The following INPP4B variants were observed in gnomAD, a reference collection of about 807,000 sequenced individuals.
The protein encoded by INPP4B is inositol polyphosphate 4-phosphatase type II.
In INPP4B, 55 loss-of-function variants were observed where a neutral mutation model predicts 122.5. The observed-to-expected ratio is 0.45, with a 90% CI of 0.36 to 0.56. The LOEUF (loss-of-function observed/expected upper bound fraction) is 0.56. INPP4B is among the 20% of genes least tolerant of loss of function. The pLI is 0.00. For missense variants in INPP4B, 1,000 were observed against 1,097.7 expected, an observed-to-expected ratio of 0.91 and a Z score of 1.26; for synonymous variants, 403 against 388.7, an observed-to-expected ratio of 1.04 and a Z score of -0.43.
intron 1 of INPP4B, among the ~76,000 whole-genome samples, chr4:142,815,736 C>T (rs542953618): frequency 6.6e-6 from 1 of 152,166 alleles, no homozygotes; most frequent in African/African-American, 2.4e-5. Flanking sequence ...TTGCCTCATT[C>T]TCTGTTTATT....
chr4:142,374,061 A>G (rs1352024395), intron 7 of INPP4B, among the ~76,000 whole-genome samples: 2 of 151,972 alleles, frequency 1.3e-5, no homozygotes, highest in Non-Finnish European at 2.9e-5. Context: ...AACATGCAGA[A>G]AGATTGTTTT....
chr4:142,813,982 AAGAAAAAGTTAT>A (rs1779821934), intron 1 of INPP4B, among the ~76,000 whole-genome samples: 4 of 152,188 alleles, frequency 2.6e-5, no homozygotes, highest in Admixed American at 2.0e-4. Context: ...CCCCAAGAGG[AAGAAAAAGTTAT>A]AGAAAAGAGC....
At chr4:142,238,856 T>C (rs1158835135) in intron 11 of INPP4B, among the ~76,000 whole-genome samples, 4 of 152,118 alleles carry the variant, frequency 2.6e-5, no homozygotes, top group Non-Finnish European at 4.4e-5. Flanking sequence ...TCATTTCCAT[T>C]GCTCTTCAGC....
At chr4:142,292,554 C>G (rs1468648817) in intron 9 of INPP4B, among the ~76,000 whole-genome samples, 1 of 152,162 alleles carries the variant, frequency 6.6e-6, no homozygotes, top group Admixed American at 6.5e-5. Context: ...TACACCATTT[C>G]TAAGTTTAGG....
Position 142,028,815 on chromosome 4 carries a change from A to AG in INPP4B, c.2741dup (p.Pro915SerfsTer9). On this transcript the variant is annotated frameshift_variant, in exon 26 of 26. Coordinates refer to ENST00000262992, the MANE Select transcript of INPP4B (RefSeq NM_001101669.3). LOFTEE classifies it high-confidence loss of function. The stretch of plus-strand genomic sequence containing the variant: ...CAGCTTTTCCATAAGTCCCCTCTGG[A>AG]GGTCTGTAGTACTTGGGGAAAGCCA... 2 of 1,612,826 alleles carry AG rather than the reference A, an allele frequency of 1.2e-6. No individual in the cohort carries two copies. The highest frequency in any genetic ancestry group is 1.1e-5 in the South Asian group (1 of 90,856).
intron 15 of INPP4B, among the ~76,000 whole-genome samples, chr4:142,190,426 C>G (rs956419944): frequency 6.6e-6 from 1 of 152,072 alleles, no homozygotes; most frequent in Non-Finnish European, 1.5e-5. Flanking sequence ...TGGCATGGTG[C>G]GATAACTCTG....
chr4:142,141,503 C>A (rs1396356244), intron 18 of INPP4B, among the ~76,000 whole-genome samples: 2 of 152,018 alleles, frequency 1.3e-5, no homozygotes, highest in African/African-American at 4.8e-5. Context: ...CATTAGGAAA[C>A]CACATAAATA....
chr4:142,445,403 G>A (rs1392778133), intron 3 of INPP4B, among the ~76,000 whole-genome samples: 1 of 152,046 alleles, frequency 6.6e-6, no homozygotes, highest in Non-Finnish European at 1.5e-5. Context: ...AGAACAAAAC[G>A]TCAAGAAAAC....
rs140301287 is a variant in INPP4B, at chr4:142,082,064, T to G, written c.2609A>C (p.Asp870Ala). ...ILRDEHQLHK[D>A]FFIRALDCMR... ...GCAATCCAGCGCTCGGATAAAGAAG[T>G]CCTTGTGTAACTGGTGCTCATCTCT... The change falls in exon 25 of 26, where the codon GAC (aspartate) becomes GCC (alanine). Residue 870 changes from aspartate to alanine, a missense_variant. Asp to Ala is a moderately radical substitution (Grantham distance 126, BLOSUM62 -2). Transcript: ENST00000262992. 33 of 1,478,550 alleles carry G rather than the reference T, an allele frequency of 2.2e-5. No homozygotes were observed. The Admixed American group carries it at 3.3e-4, about 15-fold the overall frequency. 91.6% of individuals were successfully genotyped at this position (1,478,550 alleles called of 1,614,324 possible).
intron 11 of INPP4B, among the ~76,000 whole-genome samples, chr4:142,255,269 A>G (rs1735151241): frequency 1.3e-5 from 2 of 152,196 alleles, no homozygotes; most frequent in African/African-American, 2.4e-5. Flanking sequence ...TGTAAAGACC[A>G]TCGAGACTAG....
At chr4:142,505,867 T>C (rs1456622170) in intron 2 of INPP4B, among the ~76,000 whole-genome samples, 3 of 152,210 alleles carry the variant, frequency 2.0e-5, no homozygotes, top group African/African-American at 7.2e-5. Context: ...AATTCTCCTA[T>C]ACCCAGATAT....
chr4:142,051,228 A>ATACT (rs1011660738), intron 25 of INPP4B, among the ~76,000 whole-genome samples: 4 of 152,070 alleles, frequency 2.6e-5, no homozygotes, highest in African/African-American at 9.7e-5. Flanking sequence ...AACACATTGA[A>ATACT]TACTTTCATT....
intron 8 of INPP4B, among the ~76,000 whole-genome samples, chr4:142,307,360 T>A (rs1763796490): frequency 6.6e-6 from 1 of 151,996 alleles, no homozygotes; most frequent in Non-Finnish European, 1.5e-5. Flanking sequence ...TATGACCACC[T>A]GACATATTAT....
Position 142,713,454 on chromosome 4 carries a change from G to C in INPP4B, c.-191+12385C>G, listed in dbSNP as rs745615937. Among the ~76,000 whole-genome samples the C allele has an allele frequency of 4.6e-5, 7 of 152,214 alleles. No individual in the cohort carries two copies. The South Asian group carries it at 6.2e-4, about 13-fold the overall frequency. On this transcript the variant is annotated intron_variant, in intron 2 of 25. Coordinates refer to ENST00000262992, the MANE Select transcript of INPP4B (RefSeq NM_001101669.3). ...AGAAAGAGGAGTTCTATTGGAATGA[G>C]AGAGTAAGCGAAAGATTGTTGTGGA... is the stretch of plus-strand genomic sequence containing the variant.
intron 5 of INPP4B, among the ~76,000 whole-genome samples, chr4:142,417,020 G>A (rs373826294): frequency 7.9e-5 from 12 of 152,200 alleles, no homozygotes; most frequent in African/African-American, 2.4e-4. Flanking sequence ...GAAAGCAACC[G>A]AGATCAGACA....
chr4:142,524,871 T>C lies in INPP4B; in HGVS notation c.-190-62145A>G, dbSNP rs1172106999. On this transcript the variant is annotated intron_variant, in intron 2 of 25. Coordinates refer to ENST00000262992, the MANE Select transcript of INPP4B (RefSeq NM_001101669.3). ...CTCACCACTCCTATTCAACATAGTG[T>C]TGGAAGTTCTGGCCAGGGCAATCAG... Among the ~76,000 whole-genome samples, 4 of 151,974 alleles carry C rather than the reference T, an allele frequency of 2.6e-5. No homozygotes were observed. The East Asian group carries it at 7.8e-4, about 30-fold the overall frequency.
chr4:142,425,435 C>A (rs1476482680), intron 5 of INPP4B, among the ~76,000 whole-genome samples: 1 of 151,292 alleles, frequency 6.6e-6, no homozygotes, highest in Non-Finnish European at 1.5e-5. Flanking sequence ...TTTTTTCTTA[C>A]CTTGAAACCA....
In INPP4B at chr4:142,039,317, T is replaced by C. The variant is rs998652862; in HGVS notation, c.2643-10403A>G. On this transcript the variant is annotated intron_variant, in intron 25 of 25. Transcript: ENST00000262992. ...GTCTTATCTATTTTCAACTTCAATA[T>C]TGAAAATAAAAACAAAACTACATGA... 3.9e-5 allele frequency among the ~76,000 whole-genome samples: 6 copies of C among 152,210 alleles called. No individual in the cohort carries two copies. In the South Asian group the frequency reaches 8.3e-4, roughly 21 times the overall value.
intron 1 of INPP4B, among the ~76,000 whole-genome samples, chr4:142,811,044 T>C (rs1214827893): frequency 6.6e-6 from 1 of 152,246 alleles, no homozygotes; most frequent in East Asian, 1.9e-4. Flanking sequence ...GTTGTTAAAA[T>C]ACTAATCTAC....
Sources: allele counts gnomAD v4.1 joint callset (sites outside exome capture counted in the v4.1 genomes callset), GRCh38; gene constraint gnomAD v4.1.1; transcripts MANE v1.5; gene names NCBI Gene and HGNC (gene_info 2026-07-23, HGNC 2026-07-21).